The following ZCCHC24 variants were observed in gnomAD, a reference collection of about 807,000 sequenced individuals.
ZCCHC24 encodes zinc finger CCHC-type containing 24.
In ZCCHC24, 10 loss-of-function variants were observed where a neutral mutation model predicts 26.2. That is an observed-to-expected ratio of 0.38 (90% CI 0.24 to 0.65). The LOEUF is 0.65. ZCCHC24 is among the 30% of genes least tolerant of loss of function. The pLI, the probability that ZCCHC24 is intolerant of heterozygous loss-of-function variation, is 0.54. For synonymous variants in ZCCHC24, 144 were observed against 147.1 expected (o/e 0.98, Z 0.15); for missense variants, 243 against 329.1 (o/e 0.74, Z 2.03).
At chr10:79,391,735 T>C (rs1174483137) in intron 3 of ZCCHC24, among the ~76,000 whole-genome samples, 1 of 151,836 alleles carries the variant, frequency 6.6e-6, no homozygotes, top group Non-Finnish European at 1.5e-5. Flanking sequence ...TCTACTGACC[T>C]TCTACCCCAT....
intron 2 of ZCCHC24, chr10:79,394,720 G>T (rs975246106): frequency 2.3e-6 from 2 of 857,780 alleles, no homozygotes; most frequent in South Asian, 5.3e-5. Flanking sequence ...CTCAATGGTG[G>T]CTGGAAATTA....
chr10:79,392,368 C>G (rs1220786818), intron 3 of ZCCHC24, among the ~76,000 whole-genome samples: 1 of 152,174 alleles, frequency 6.6e-6, no homozygotes, highest in East Asian at 1.9e-4. Context: ...CTTCCTCAAG[C>G]CCGCCCCAGC....
At chr10:79,386,480 G>T in intron 3 of ZCCHC24, 22 bp from the exon 4 acceptor site, 1 of 1,567,290 alleles carries the variant, frequency 6.4e-7, no homozygotes, top group East Asian at 2.3e-5. Context: ...AGGAGGAAGG[G>T]GCCCAGGGGA....
At chr10:79,425,781 A>G (rs1367146332) in intron 2 of ZCCHC24, among the ~76,000 whole-genome samples, 2 of 152,184 alleles carry the variant, frequency 1.3e-5, no homozygotes. Context: ...AGCTATTGCT[A>G]TTGTATAGTG....
chr10:79,445,411 G>A lies in ZCCHC24; in HGVS notation c.30C>T (p.Ser10=), dbSNP rs747848567. The A allele has an allele frequency of 2.0e-6, 3 of 1,491,520 alleles. No homozygotes were observed. Among genetic ancestry groups the A allele is most frequent in the Non-Finnish European group, 2.7e-6 (3 of 1,117,998 alleles). 92.4% of individuals were successfully genotyped at this position (1,491,520 alleles called of 1,614,324 possible). MSLLSAIDT[S]AASVYQPAQL... ...GGGCGGGCTGGTACACCGAGGCGGCGCTCGTGTCGATGGCCGACAGCAGGC... is the reference window on the plus strand; with the variant it reads ...GGGCGGGCTGGTACACCGAGGCGGCACTCGTGTCGATGGCCGACAGCAGGC... Residue 10 remains serine, a synonymous_variant, in exon 1 of 4, where the codon AGC becomes AGT. Transcript: ENST00000372336.
At position 79,403,104 on chromosome 10, in the gene ZCCHC24, C is replaced by T. The variant is rs115152440; in HGVS notation, c.448-8664G>A. On this transcript the variant is annotated intron_variant, in intron 2 of 3. Coordinates refer to ENST00000372336, the MANE Select transcript of ZCCHC24 (RefSeq NM_153367.4). The stretch of plus-strand genomic sequence containing the variant: ...AACCGTGACCCACACCAGTCGCGAA[C>T]TCCCCTAGCCACATACTCCTGGGCT... 1.8e-4 allele frequency among the ~76,000 whole-genome samples: 28 copies of T among 152,360 alleles called. No homozygotes were observed. The South Asian group carries it at 5.6e-3, about 30-fold the overall frequency.
chr10:79,393,474 C>T (rs1344211354), intron 3 of ZCCHC24, among the ~76,000 whole-genome samples: 1 of 152,210 alleles, frequency 6.6e-6, no homozygotes, highest in Non-Finnish European at 1.5e-5. Flanking sequence ...GGTGTCACAT[C>T]CAGCTCCAGA....
intron 1 of ZCCHC24, among the ~76,000 whole-genome samples, 176 bp downstream of exon 1, chr10:79,445,019 C>T (rs987141373): frequency 2.6e-5 from 4 of 152,184 alleles, no homozygotes; most frequent in Admixed American, 2.6e-4. Flanking sequence ...ACCCGGCACC[C>T]CGGGGACTTC....
rs150361046 is a variant in ZCCHC24, at chr10:79,407,240, G to A, written c.448-12800C>T. Reference sequence around the variant, plus strand: ...CCAGGTGCAGACCTGCCCCCAGGGAGCGCCTGTCCCAGAGGAGCACTCGGT... The same window carrying A: ...CCAGGTGCAGACCTGCCCCCAGGGAACGCCTGTCCCAGAGGAGCACTCGGT... On this transcript the variant is annotated intron_variant, in intron 2 of 3. Coordinates refer to ENST00000372336, the MANE Select transcript of ZCCHC24 (RefSeq NM_153367.4). Among the ~76,000 whole-genome samples, 28 of 152,360 alleles carry A rather than the reference G, an allele frequency of 1.8e-4. No individual in the cohort carries two copies. The East Asian group carries it at 5.2e-3, about 28-fold the overall frequency.
chr10:79,443,546 T>C (rs1857316648), intron 1 of ZCCHC24, among the ~76,000 whole-genome samples: 1 of 152,212 alleles, frequency 6.6e-6, no homozygotes, highest in Non-Finnish European at 1.5e-5. Context: ...CTCTATCACC[T>C]TGTCTGTTTA....
intron 2 of ZCCHC24, among the ~76,000 whole-genome samples, chr10:79,397,797 G>T (rs924762546): frequency 6.6e-6 from 1 of 152,184 alleles, no homozygotes; most frequent in African/African-American, 2.4e-5. Context: ...CAGGGGTCAA[G>T]GTACCAGAAG....
rs762433586 is a variant in ZCCHC24 at position 79,394,256 on chromosome 10, C to T, written c.612+20G>A. On this transcript the variant is annotated intron_variant, in intron 3 of 3. Transcript: ENST00000372336. ...CCCTCCCGCGGTCCTTCTGAGAAGG[C>T]CCCAGCCTGCCCGGCTCACCTGCTT... is the stretch of plus-strand genomic sequence containing the variant. 10 of 1,609,312 alleles carry T rather than the reference C, an allele frequency of 6.2e-6. No individual in the cohort carries two copies. The Admixed American group carries it at 1.5e-4, about 24-fold the overall frequency.
chr10:79,429,077 T>C (rs1165695548), intron 2 of ZCCHC24, among the ~76,000 whole-genome samples: 2 of 152,222 alleles, frequency 1.3e-5, no homozygotes, highest in Admixed American at 6.5e-5. Context: ...GCTGATACTT[T>C]ACAAACTCTT....
At chr10:79,391,910 T>C (rs928751094) in intron 3 of ZCCHC24, among the ~76,000 whole-genome samples, 8 of 150,504 alleles carry the variant, frequency 5.3e-5, no homozygotes, top group African/African-American at 2.0e-4. Flanking sequence ...TCATCGACAG[T>C]GACCTTTCCC....
chr10:79,406,291 C>T lies in ZCCHC24; in HGVS notation c.448-11851G>A, dbSNP rs114882589. ...ATTCCCTCCTTGCTGAGCGAGATATCGGAGGTCCAGAAGGCCATGGACAGG... is the reference window on the plus strand; with the variant it reads ...ATTCCCTCCTTGCTGAGCGAGATATTGGAGGTCCAGAAGGCCATGGACAGG... On this transcript the variant is annotated intron_variant, in intron 2 of 3. Transcript: ENST00000372336. Among the ~76,000 whole-genome samples, 383 of 152,192 alleles carry T rather than the reference C, an allele frequency of 2.5e-3. 2 individuals carry two copies. Among genetic ancestry groups the T allele is most frequent in the African/African-American group, 8.0e-3 (333 of 41,508 alleles).
At chr10:79,423,660 T>C (rs71492202) in intron 2 of ZCCHC24, among the ~76,000 whole-genome samples, 3,718 of 142,878 alleles carry the variant, frequency 0.026, 88 homozygotes, top group Non-Finnish European at 0.039. Context: ...AGTTCATAAT[T>C]ATATATTCAC....
At chr10:79,430,239 CCT>C (rs1352370187) in intron 2 of ZCCHC24, among the ~76,000 whole-genome samples, 8 of 152,086 alleles carry the variant, frequency 5.3e-5, no homozygotes, top group Admixed American at 3.3e-4. Flanking sequence ...ATGCTGCGAG[CCT>C]CTGTCTGTCC....
intron 3 of ZCCHC24, among the ~76,000 whole-genome samples, chr10:79,390,502 A>G (rs1856465663): frequency 6.6e-6 from 1 of 152,092 alleles, no homozygotes; most frequent in South Asian, 2.1e-4. Flanking sequence ...CATCCTTGCC[A>G]GCACCCTCCT....
intron 1 of ZCCHC24, among the ~76,000 whole-genome samples, chr10:79,444,571 A>C (rs1469069928): frequency 6.6e-6 from 1 of 151,990 alleles, no homozygotes; most frequent in Non-Finnish European, 1.5e-5. Flanking sequence ...CTGTGGGGTC[A>C]AGCCCTCAGA....
Sources: gnomAD v4.1 joint callset for allele counts (sites outside exome capture counted in the v4.1 genomes callset) on GRCh38, gnomAD v4.1.1 for gene constraint, MANE v1.5 for transcripts, NCBI Gene and HGNC (gene_info 2026-07-23, HGNC 2026-07-21) for gene names.